Variants in STRN observed in about 807,000 individuals in gnomAD.
STRN encodes the protein striatin, also known as protein phosphatase 2 regulatory subunit B'''alpha.
A neutral mutation model predicts 96.3 loss-of-function variants in STRN; 53 were observed. That is an observed-to-expected ratio of 0.55 (90% confidence interval 0.44 to 0.69). The LOEUF is 0.69. STRN is among the 30% of genes least tolerant of loss of function. The pLI is 0.00. For missense variants in STRN, 987 were observed against 963.9 expected (o/e 1.02, Z -0.32); for synonymous variants, 428 against 355.9 (o/e 1.20, Z -2.28).
At chr2:36,862,740 C>CTT (rs201207436) in intron 12 of STRN, among the ~76,000 whole-genome samples, 1 of 144,318 alleles carries the variant, frequency 6.9e-6, no homozygotes, top group Non-Finnish European at 1.5e-5. Flanking sequence ...TGTTTTTATT[C>CTT]TTTTTTTTTT....
intron 1 of STRN, among the ~76,000 whole-genome samples, chr2:36,932,894 G>C (rs1670609552): frequency 6.6e-6 from 1 of 152,098 alleles, no homozygotes; most frequent in African/African-American, 2.4e-5. Flanking sequence ...CCTTATGGCA[G>C]CTTATAAATA....
chr2:36,925,100 A>G lies in STRN; in HGVS notation c.338+5T>C. On this transcript the variant is annotated splice_donor_5th_base_variant and intron_variant, in intron 2 of 17. Coordinates refer to ENST00000263918, the MANE Select transcript of STRN (RefSeq NM_003162.4). The stretch of plus-strand genomic sequence containing the variant: ...AGAACACCACTTTTCATTTTACTGA[A>G]TTACCTTTCCTGTTTAAGAGCATAC... 1 of 1,604,234 alleles carries G rather than the reference A, an allele frequency of 6.2e-7. No individual in the cohort carries two copies. Among genetic ancestry groups the G allele is most frequent in the Non-Finnish European group, 8.5e-7 (1 of 1,172,350 alleles).
At chr2:36,955,816 T>G (rs906599236) in intron 1 of STRN, among the ~76,000 whole-genome samples, 2 of 152,234 alleles carry the variant, frequency 1.3e-5, no homozygotes, top group Non-Finnish European at 1.5e-5. Flanking sequence ...ATTTCAGATT[T>G]TGGAATATTT....
chr2:36,868,837 T>A (rs1668693990), intron 11 of STRN, among the ~76,000 whole-genome samples: 1 of 152,032 alleles, frequency 6.6e-6, no homozygotes, highest in Non-Finnish European at 1.5e-5. Flanking sequence ...AAGTGCCTAA[T>A]ACTGCAAAAG....
chr2:36,904,578 G>C (rs1210636056), intron 4 of STRN, among the ~76,000 whole-genome samples: 1 of 152,196 alleles, frequency 6.6e-6, no homozygotes, highest in African/African-American at 2.4e-5. Flanking sequence ...TGTAATCCCA[G>C]CACTTTGGGA....
At chr2:36,875,861 G>A (rs908319543) in intron 10 of STRN, among the ~76,000 whole-genome samples, 8 of 152,120 alleles carry the variant, frequency 5.3e-5, no homozygotes, top group Non-Finnish European at 1.2e-4. Flanking sequence ...GTTTCACTGT[G>A]TTAGCCAGGA....
At chr2:36,936,271 T>C (rs893323824) in intron 1 of STRN, among the ~76,000 whole-genome samples, 4 of 152,202 alleles carry the variant, frequency 2.6e-5, no homozygotes, top group African/African-American at 7.2e-5. Flanking sequence ...TATATGAAGA[T>C]GTAATTACTG....
At chr2:36,887,619 G>A (rs967999096) in intron 7 of STRN, among the ~76,000 whole-genome samples, 10 of 152,112 alleles carry the variant, frequency 6.6e-5, no homozygotes, top group Non-Finnish European at 1.2e-4. Context: ...TTTTAAAGAA[G>A]TTTATATTTT....
chr2:36,958,134 G>A (rs1404137100), intron 1 of STRN, among the ~76,000 whole-genome samples: 2 of 151,738 alleles, frequency 1.3e-5, no homozygotes, highest in African/African-American at 4.8e-5. Context: ...TGGCCAAGCT[G>A]GTCTTGAACT....
intron 3 of STRN, among the ~76,000 whole-genome samples, chr2:36,907,413 G>A (rs1231324244): frequency 6.6e-6 from 1 of 152,106 alleles, no homozygotes; most frequent in African/African-American, 2.4e-5. Context: ...GCCAGGCGTG[G>A]TGGCACATGC....
chr2:36,854,962 T>G (rs1432400470), intron 15 of STRN, among the ~76,000 whole-genome samples: 1 of 152,176 alleles, frequency 6.6e-6, no homozygotes, highest in African/African-American at 2.4e-5. Flanking sequence ...AAATTAATCA[T>G]TTAGTATAAA....
intron 6 of STRN, among the ~76,000 whole-genome samples, chr2:36,896,586 G>C (rs916163435): frequency 1.3e-5 from 2 of 152,146 alleles, no homozygotes; most frequent in African/African-American, 4.8e-5. Flanking sequence ...GGGTTGCACA[G>C]GATGCCTAAG....
intron 10 of STRN, among the ~76,000 whole-genome samples, chr2:36,874,516 G>A (rs1347017392): frequency 6.6e-6 from 1 of 151,916 alleles, no homozygotes; most frequent in African/African-American, 2.4e-5. Context: ...TCACAAAAGT[G>A]ATGAAAATAC....
chr2:36,871,524 C>G (rs886552551), intron 10 of STRN, among the ~76,000 whole-genome samples: 4 of 152,108 alleles, frequency 2.6e-5, no homozygotes, highest in African/African-American at 9.7e-5. Flanking sequence ...CCTAATGAAC[C>G]CATTTCTCAG....
chr2:36,849,368 A>T lies in STRN; in HGVS notation c.*88T>A. 1 of 1,461,192 alleles carries T rather than the reference A, an allele frequency of 6.8e-7. No homozygotes were observed. The highest frequency in any genetic ancestry group is 9.4e-7 in the Non-Finnish European group (1 of 1,069,368). 90.5% of individuals were successfully genotyped at this position (1,461,192 alleles called of 1,614,324 possible). A position where few individuals can be genotyped will look rare whatever the true frequency, so the allele number is the denominator to read the frequency against. On this transcript the variant is annotated 3_prime_UTR_variant, in exon 18 of 18. Transcript: ENST00000263918. ...TCCTTCAGCAGAACAAAAGGGCAGGACGAGATGATTCTTGCCCTCGTCTTC... is the reference window on the plus strand; with the variant it reads ...TCCTTCAGCAGAACAAAAGGGCAGGTCGAGATGATTCTTGCCCTCGTCTTC...
chr2:36,948,903 G>C (rs1294287920), intron 1 of STRN, among the ~76,000 whole-genome samples: 1 of 152,088 alleles, frequency 6.6e-6, no homozygotes, highest in East Asian at 1.9e-4. Flanking sequence ...AACCTTTTGA[G>C]CAATGACAAA....
At chr2:36,917,456 G>A (rs997537200) in intron 2 of STRN, among the ~76,000 whole-genome samples, 3 of 150,184 alleles carry the variant, frequency 2.0e-5, no homozygotes, top group Non-Finnish European at 2.9e-5. Context: ...GGCTGCAGAG[G>A]TTGCAGTGAG....
At chr2:36,923,285 C>T (rs1459744157) in intron 2 of STRN, among the ~76,000 whole-genome samples, 4 of 151,226 alleles carry the variant, frequency 2.6e-5, no homozygotes, top group South Asian at 2.1e-4. Context: ...CCTGTCTCTA[C>T]TAAAAATGCA....
Position 36,849,645 on chromosome 2 carries a change from T to G in STRN, c.2174-20A>C. 6.2e-7 allele frequency: 1 copy of G among 1,611,658 alleles called. No individual in the cohort carries two copies. The highest frequency in any genetic ancestry group is 8.5e-7 in the Non-Finnish European group (1 of 1,179,238). On this transcript the variant is annotated intron_variant, in intron 17 of 17. Coordinates refer to ENST00000263918, the MANE Select transcript of STRN (RefSeq NM_003162.4). The stretch of plus-strand genomic sequence containing the variant: ...CATGACCTATATCCAAAAAAAAAAT[T>G]AAAAGGAAAAATTACATTAACATGA...
Sources: allele counts gnomAD v4.1 joint callset (sites outside exome capture counted in the v4.1 genomes callset), GRCh38; gene constraint gnomAD v4.1.1; transcripts MANE v1.5; gene names NCBI Gene and HGNC (gene_info 2026-07-23, HGNC 2026-07-21).